COL4A6: variants seen among roughly 807,000 people sequenced by gnomAD.
COL4A6 encodes the protein collagen alpha-6(IV) chain.
Under a neutral mutation model 126.7 loss-of-function variants are expected in COL4A6, and 59 were observed. The ratio of observed to expected loss-of-function variants is 0.47; its 90% confidence interval spans 0.38 to 0.58. The LOEUF is 0.58. COL4A6 is among the 20% of genes least tolerant of loss of function. The pLI, the probability that COL4A6 is intolerant of heterozygous loss-of-function variation, is 0.00. For synonymous variants in COL4A6, 547 were observed against 496.6 expected (o/e 1.10, Z -1.35); for missense variants, 1,285 against 1,337.3 (o/e 0.96, Z 0.61).
At chrX:108,299,362 G>T (rs2038422040) in intron 3 of COL4A6, among the ~76,000 whole-genome samples, 1 of 111,448 alleles carries the variant, frequency 9.0e-6, no homozygotes, top group African/African-American at 3.3e-5. Flanking sequence ...GGCCCTGTCT[G>T]GGGAGCCTGT....
At chrX:108,427,312 T>C (rs972663634) in intron 2 of COL4A6, among the ~76,000 whole-genome samples, 1 of 111,592 alleles carries the variant, frequency 9.0e-6, no homozygotes, top group African/African-American at 3.3e-5. Context: ...CACAATGGGG[T>C]TGACAACAAT....
intron 2 of COL4A6, among the ~76,000 whole-genome samples, chrX:108,402,464 C>T (rs115776964): frequency 2.7e-5 from 3 of 110,289 alleles, no homozygotes; most frequent in African/African-American, 9.8e-5. Flanking sequence ...TGATCCTCTC[C>T]GCTGCATGTT....
chrX:108,393,224 A>G (rs755871149), intron 2 of COL4A6, among the ~76,000 whole-genome samples: 1 of 112,507 alleles, frequency 8.9e-6, no homozygotes, highest in East Asian at 2.8e-4. Flanking sequence ...AAGTGAAAAA[A>G]GAATCATAAT....
chrX:108,193,515 G>A, intron 17 of COL4A6, 113 bp downstream of exon 17: 1 of 634,198 alleles, frequency 1.6e-6, no homozygotes, highest in Non-Finnish European at 2.5e-6. Context: ...TCTTGGGTGT[G>A]TCAAGTTTAG....
intron 26 of COL4A6, 32 bp from the exon 27 acceptor site, chrX:108,178,877 C>G: frequency 8.4e-7 from 1 of 1,184,576 alleles, no homozygotes; most frequent in Non-Finnish European, 1.1e-6. Context: ...TGATCACAGC[C>G]TGGAGAGATA....
rs754846501 is a variant in COL4A6, at chrX:108,170,699, C to T, written c.3403G>A (p.Gly1135Ser). ...PGAPGFPGVAGMRGEPGLPGS... is the reference protein window; with the variant it reads ...PGAPGFPGVASMRGEPGLPGS... ...GGAAGTCCTGGTTCTCCTCTCATGCCGGCAACTCCTGGAAATCCTAAATGT... is the reference window on the plus strand; with the variant it reads ...GGAAGTCCTGGTTCTCCTCTCATGCTGGCAACTCCTGGAAATCCTAAATGT... Residue 1135 changes from glycine (G) to serine (S), a missense_variant, in exon 35 of 45, where the codon GGC (glycine) becomes AGC (serine). Transcript: ENST00000334504. The T allele has an allele frequency of 1.5e-5, 18 of 1,204,769 alleles. No homozygotes were observed. The highest frequency in any genetic ancestry group is 5.4e-5 in the South Asian group (3 of 55,819).
At position 108,160,575 on chromosome X, in the gene COL4A6, C is replaced by T. The variant is rs778143204; in HGVS notation, c.4413G>A (p.Lys1471=). The stretch of plus-strand genomic sequence containing the variant: ...GGGGCACCTGTTCCGACTGGCTGTG[C>T]TTTACCAACGTGTAGCCCACTCTCA... The part of the protein sequence containing the change: ...QSMRVGYTLV[K]HSQSEQVPPC... The change falls in exon 43 of 45, where the codon AAG becomes AAA. Residue 1471 remains lysine, a synonymous_variant. Transcript: ENST00000334504. 93 of 1,210,241 alleles carry T rather than the reference C, an allele frequency of 7.7e-5. No individual in the cohort carries two copies. The highest frequency in any genetic ancestry group is 1.1e-4 in the Admixed American group (5 of 45,843).
chrX:108,343,346 G>A (rs749790063), intron 2 of COL4A6, among the ~76,000 whole-genome samples: 1 of 108,616 alleles, frequency 9.2e-6, no homozygotes, highest in Non-Finnish European at 1.9e-5. Flanking sequence ...GGCAAGATCC[G>A]AGATGTATAG....
intron 2 of COL4A6, among the ~76,000 whole-genome samples, chrX:108,358,536 A>C (rs775487921): frequency 6.4e-5 from 7 of 110,002 alleles, no homozygotes; most frequent in Non-Finnish European, 1.1e-4. Flanking sequence ...CTGGGACCAC[A>C]GGCGTGAGCC....
At chrX:108,176,679 G>A (rs1314963183) in intron 28 of COL4A6, among the ~76,000 whole-genome samples, 162 bp downstream of exon 28, 12 of 112,146 alleles carry the variant, frequency 1.1e-4, no homozygotes, top group Non-Finnish European at 3.8e-5. Context: ...TTGACCAGAG[G>A]TCCCCCTTTA....
intron 2 of COL4A6, among the ~76,000 whole-genome samples, chrX:108,371,713 T>C (rs1438583644): frequency 1.8e-5 from 2 of 108,887 alleles, no homozygotes; most frequent in African/African-American, 3.4e-5. Flanking sequence ...CCCATGATTG[T>C]GCCACTGCAC....
chrX:108,339,814 C>G (rs1416793911), intron 2 of COL4A6, among the ~76,000 whole-genome samples: 1 of 111,229 alleles, frequency 9.0e-6, no homozygotes, highest in Non-Finnish European at 1.9e-5. Flanking sequence ...ACTCGTTTTC[C>G]CCTCTCACAG....
At chrX:108,321,770 CTT>C (rs1442550951) in intron 2 of COL4A6, among the ~76,000 whole-genome samples, 1 of 110,994 alleles carries the variant, frequency 9.0e-6, no homozygotes, top group African/African-American at 3.3e-5. Flanking sequence ...TCTGAGGCCT[CTT>C]TGGCTAGATC....
intron 37 of COL4A6, among the ~76,000 whole-genome samples, chrX:108,167,230 TA>T (rs1030583373): frequency 3.6e-5 from 4 of 112,363 alleles, no homozygotes; most frequent in African/African-American, 1.3e-4. Flanking sequence ...ACAAAATACA[TA>T]AATGCAGCCT....
intron 2 of COL4A6, among the ~76,000 whole-genome samples, chrX:108,405,705 T>C (rs1225817839): frequency 1.2e-4 from 13 of 111,221 alleles, no homozygotes; most frequent in Admixed American, 1.1e-3. Context: ...CATTCCCATA[T>C]CTATATCTGG....
chrX:108,230,429 G>A (rs1208871305), intron 3 of COL4A6, among the ~76,000 whole-genome samples: 1 of 111,603 alleles, frequency 9.0e-6, no homozygotes, highest in Non-Finnish European at 1.9e-5. Flanking sequence ...TTTTGAGAAG[G>A]GGGAGCAGAG....
rs750151910 is a variant in COL4A6, at chrX:108,171,491, C to T, written c.3203-30G>A. On this transcript the variant is annotated intron_variant, in intron 32 of 44. Transcript: ENST00000334504. ...GGATTCCAATACATTGTTTAAATGG[C>T]CAGGAGAAGCTATAGCTCATTTTGC... 12 of 1,117,459 alleles carry T rather than the reference C, an allele frequency of 1.1e-5. No homozygotes were observed. The East Asian group carries it at 3.6e-4, about 34-fold the overall frequency. 92.1% of individuals were successfully genotyped at this position (1,117,459 alleles called of 1,213,427 possible).
chrX:108,428,887 T>C (rs2064132635), intron 2 of COL4A6, among the ~76,000 whole-genome samples: 4 of 111,942 alleles, frequency 3.6e-5, no homozygotes, highest in African/African-American at 1.3e-4. Context: ...TATGAAGCTA[T>C]AGACTTAGAA....
At chrX:108,286,240 T>C (rs1411199381) in intron 3 of COL4A6, among the ~76,000 whole-genome samples, 1 of 112,012 alleles carries the variant, frequency 8.9e-6, no homozygotes, top group East Asian at 2.8e-4. Context: ...GGGCTGGAAT[T>C]TAAACAACCA....
Sources: gnomAD v4.1 joint callset for allele counts (sites outside exome capture counted in the v4.1 genomes callset) on GRCh38, gnomAD v4.1.1 for gene constraint, MANE v1.5 for transcripts, NCBI Gene and HGNC (gene_info 2026-07-23, HGNC 2026-07-21) for gene names.